CDKAL1: variants seen among roughly 807,000 people sequenced by gnomAD.
CDKAL1 encodes the protein CDKAL1 threonylcarbamoyladenosine tRNA methylthiotransferase.
A neutral mutation model predicts 68.2 loss-of-function variants in CDKAL1; 32 were observed. That is an observed-to-expected ratio of 0.47 (90% confidence interval 0.35 to 0.63). The LOEUF is 0.63. CDKAL1 is among the 30% of genes least tolerant of loss of function. The pLI is 0.00. For missense variants in CDKAL1, 606 were observed against 696.7 expected (o/e 0.87, Z 1.47); for synonymous variants, 234 against 244.3 (o/e 0.96, Z 0.39).
intron 12 of CDKAL1, among the ~76,000 whole-genome samples, chr6:21,099,991 A>G (rs994154812): frequency 3.3e-5 from 5 of 152,230 alleles, no homozygotes; most frequent in African/African-American, 1.2e-4. Flanking sequence ...AGGAGAAGGT[A>G]TGGCAACCTA....
At chr6:20,705,076 T>C (rs116538729) in intron 5 of CDKAL1, among the ~76,000 whole-genome samples, 25 of 152,348 alleles carry the variant, frequency 1.6e-4, no homozygotes, top group African/African-American at 5.8e-4. Context: ...GTCAGCTTTT[T>C]TGCAAGTGTT....
chr6:21,118,219 T>A (rs924985684), intron 13 of CDKAL1, among the ~76,000 whole-genome samples: 2 of 152,186 alleles, frequency 1.3e-5, no homozygotes, highest in African/African-American at 4.8e-5. Flanking sequence ...TGAGAAACAT[T>A]AATGCTGCTG....
intron 4 of CDKAL1, among the ~76,000 whole-genome samples, chr6:20,609,262 T>TTCTTCC (rs777734746): frequency 4.0e-5 from 1 of 24,818 alleles, no homozygotes; most frequent in East Asian, 3.2e-3. Flanking sequence ...TCCTCCTTCC[T>TTCTTCC]TCCTCCTCCT....
In CDKAL1 at chr6:20,882,254, A is replaced by G. The variant is rs187414283; in HGVS notation, c.742+36076A>G. ...GGCGGAAGAACGCTGAGGATTCCAA[A>G]TGAACTCCACAGGCCTTGCTAAGTT... is the stretch of plus-strand genomic sequence containing the variant. On this transcript the variant is annotated intron_variant, in intron 9 of 15. Coordinates refer to ENST00000274695, the MANE Select transcript of CDKAL1 (RefSeq NM_017774.3). Among the ~76,000 whole-genome samples, 329 of 152,240 alleles carry G rather than the reference A, an allele frequency of 2.2e-3. 4 individuals carry two copies. Among genetic ancestry groups the G allele is most frequent in the African/African-American group, 7.4e-3 (308 of 41,550 alleles).
chr6:20,704,015 G>T (rs896267913), intron 5 of CDKAL1, among the ~76,000 whole-genome samples: 4 of 152,140 alleles, frequency 2.6e-5, no homozygotes, highest in East Asian at 1.9e-4. Context: ...TTTGAAAAGT[G>T]CAGGCCTGTG....
At chr6:21,102,877 A>G (rs1773652090) in intron 12 of CDKAL1, among the ~76,000 whole-genome samples, 1 of 152,214 alleles carries the variant, frequency 6.6e-6, no homozygotes, top group South Asian at 2.1e-4. Flanking sequence ...GCTTCCTGCC[A>G]GTTGACAGGC....
intron 5 of CDKAL1, among the ~76,000 whole-genome samples, chr6:20,683,172 T>C (rs1562022929): frequency 6.6e-6 from 1 of 152,170 alleles, no homozygotes; most frequent in Non-Finnish European, 1.5e-5. Context: ...ATACTTTGTC[T>C]AGTTTAATCC....
intron 15 of CDKAL1, among the ~76,000 whole-genome samples, chr6:21,209,961 C>T (rs373499035): frequency 3.9e-5 from 6 of 152,246 alleles, no homozygotes; most frequent in South Asian, 2.1e-4. Flanking sequence ...TTATCAATGA[C>T]GAGTATGACA....
chr6:20,613,749 AC>A (rs1163553128), intron 4 of CDKAL1, among the ~76,000 whole-genome samples: 2 of 151,490 alleles, frequency 1.3e-5, no homozygotes, highest in Non-Finnish European at 2.9e-5. Flanking sequence ...TAATAACAAA[AC>A]TGCTACAGTG....
chr6:21,084,819 T>C (rs1236142408), intron 12 of CDKAL1, among the ~76,000 whole-genome samples: 1 of 152,230 alleles, frequency 6.6e-6, no homozygotes, highest in Non-Finnish European at 1.5e-5. Context: ...TACAAAGTTA[T>C]ATGATGCAGT....
At chr6:20,908,529 T>C (rs1762328885) in intron 9 of CDKAL1, among the ~76,000 whole-genome samples, 1 of 152,208 alleles carries the variant, frequency 6.6e-6, no homozygotes, top group Non-Finnish European at 1.5e-5. Flanking sequence ...AGCAGTTGTG[T>C]CATAAACCAA....
chr6:20,629,783 A>C (rs1445667228), intron 4 of CDKAL1, among the ~76,000 whole-genome samples: 1 of 149,336 alleles, frequency 6.7e-6, no homozygotes, highest in African/African-American at 2.5e-5. Flanking sequence ...GAGATGCCCC[A>C]TGTTCTTCTT....
intron 2 of CDKAL1, among the ~76,000 whole-genome samples, chr6:20,540,435 C>A (rs1237414937): frequency 6.7e-6 from 1 of 150,146 alleles, no homozygotes; most frequent in Non-Finnish European, 1.5e-5. Context: ...GGGAGAAGAT[C>A]AGGAATTCTG....
intron 4 of CDKAL1, among the ~76,000 whole-genome samples, chr6:20,553,287 T>G (rs978946517): frequency 1.3e-5 from 2 of 152,082 alleles, no homozygotes; most frequent in Non-Finnish European, 2.9e-5. Context: ...GGTGGGCAGA[T>G]CACCTGAGAT....
At chr6:20,894,944 T>C (rs913357102) in intron 9 of CDKAL1, among the ~76,000 whole-genome samples, 6 of 152,122 alleles carry the variant, frequency 3.9e-5, no homozygotes, top group African/African-American at 1.4e-4. Context: ...TCTTTTTGTT[T>C]TTGTTTTTTT....
intron 9 of CDKAL1, among the ~76,000 whole-genome samples, chr6:20,887,960 T>C (rs1761172125): frequency 1.3e-5 from 2 of 151,874 alleles, no homozygotes; most frequent in African/African-American, 4.8e-5. Flanking sequence ...AAAATTTTTT[T>C]TGGTGGAACA....
chr6:20,931,307 C>T (rs1763445255), intron 9 of CDKAL1, among the ~76,000 whole-genome samples: 1 of 152,158 alleles, frequency 6.6e-6, no homozygotes, highest in Non-Finnish European at 1.5e-5. Flanking sequence ...GTGCCAGACA[C>T]CAGGCCCTGT....
At chr6:20,696,247 A>G (rs1771102783) in intron 5 of CDKAL1, among the ~76,000 whole-genome samples, 1 of 152,238 alleles carries the variant, frequency 6.6e-6, no homozygotes, top group African/African-American at 2.4e-5. Context: ...GAAGTCGTCT[A>G]AAAACCAAGT....
intron 8 of CDKAL1, among the ~76,000 whole-genome samples, chr6:20,825,705 CT>C (rs2150451125): frequency 6.6e-6 from 1 of 152,170 alleles, no homozygotes; most frequent in Non-Finnish European, 1.5e-5. Flanking sequence ...ACTGTAAATA[CT>C]TTAAAAAATT....
Sources: allele counts gnomAD v4.1 joint callset (sites outside exome capture counted in the v4.1 genomes callset), GRCh38; gene constraint gnomAD v4.1.1; transcripts MANE v1.5; gene names NCBI Gene and HGNC (gene_info 2026-07-23, HGNC 2026-07-21).